Variants in CFAP74 observed in about 807,000 individuals in gnomAD.
The protein encoded by CFAP74 is cilia- and flagella-associated protein 74.
A neutral mutation model predicts 188.9 loss-of-function variants in CFAP74; 124 were observed. The observed-to-expected ratio is 0.66, with a 90% CI of 0.57 to 0.76. CFAP74 has a LOEUF of 0.76. CFAP74 is among the 30% of genes least tolerant of loss of function. CFAP74 has a pLI of 0.00. For synonymous variants in CFAP74, 956 were observed against 916.7 expected, an observed-to-expected ratio of 1.04 and a Z score of -0.77; for missense variants, 2,198 against 2,165.2, an observed-to-expected ratio of 1.02 and a Z score of -0.30.
Position 2,001,470 on chromosome 1 carries a change from C to T in CFAP74, c.-20+2231G>A, listed in dbSNP as rs1193148177. 2.6e-5 allele frequency among the ~76,000 whole-genome samples: 4 copies of T among 152,016 alleles called. No homozygotes were observed. The South Asian group carries it at 8.3e-4, about 32-fold the overall frequency. The stretch of plus-strand genomic sequence containing the variant: ...TCAGCCTCCCGAGTAGCTGGGACTA[C>T]AGGCAACCGCCACCACACCTGGCTA... On this transcript the variant is annotated intron_variant, in intron 1 of 38. Transcript: ENST00000682832.
In CFAP74 at chr1:1,988,492, C is replaced by T. The variant is rs374341430; in HGVS notation, c.296+20G>A. 1.2e-5 allele frequency: 20 copies of T among 1,607,614 alleles called. No homozygotes were observed. The highest frequency in any genetic ancestry group is 9.9e-5 in the South Asian group (9 of 90,992). On this transcript the variant is annotated intron_variant, in intron 4 of 38. Transcript: ENST00000682832. ...GGGGCATCAAGAGGTGCAGGTGCAGCGGCCTCAGCCCCAGCTCACCTCATC... is the reference window on the plus strand; with the variant it reads ...GGGGCATCAAGAGGTGCAGGTGCAGTGGCCTCAGCCCCAGCTCACCTCATC...
chr1:1,991,774 T>A (rs551481629), intron 1 of CFAP74, among the ~76,000 whole-genome samples: 3 of 152,084 alleles, frequency 2.0e-5, no homozygotes, highest in East Asian at 1.9e-4. Context: ...GCGTGGTGGC[T>A]CACACCTGTA....
At position 1,991,045 on chromosome 1, in the gene CFAP74, C is replaced by A. The variant is rs1657537741; in HGVS notation, c.-19-70G>T. 7.5e-6 allele frequency: 8 copies of A among 1,067,990 alleles called. No individual in the cohort carries two copies. The Admixed American group carries it at 1.1e-4, about 14-fold the overall frequency. 66.2% of individuals were successfully genotyped at this position (1,067,990 alleles called of 1,614,324 possible). A position where few individuals can be genotyped will look rare whatever the true frequency, so the allele number is the denominator to read the frequency against. ...TTAAAAGACGGTGAATTAACCATTT[C>A]TCTTAAAGAAGGCATTAAGAAAACA... On this transcript the variant is annotated intron_variant, in intron 1 of 38. Coordinates refer to ENST00000682832, the MANE Select transcript of CFAP74 (RefSeq NM_001304360.2).
intron 10 of CFAP74, among the ~76,000 whole-genome samples, chr1:1,969,402 T>G (rs1294652279): frequency 1.8e-5 from 1 of 54,398 alleles, no homozygotes; most frequent in Non-Finnish European, 3.6e-5. Flanking sequence ...CTTGCCCAGC[T>G]TAGCCCTGCC....
chr1:1,926,113 A>C (rs1163309896), intron 32 of CFAP74, 115 bp downstream of exon 32: 14 of 1,428,582 alleles, frequency 9.8e-6, no homozygotes, highest in Non-Finnish European at 1.3e-5. Context: ...CTGCTCGCAG[A>C]CCCAGGCTTA....
At chr1:1,982,154 GACACACA>G (rs1656930853) in intron 6 of CFAP74, among the ~76,000 whole-genome samples, 2 of 150,648 alleles carry the variant, frequency 1.3e-5, no homozygotes, top group African/African-American at 4.9e-5. Context: ...CAGACACGGG[GACACACA>G]GGACACCCAG....
intron 32 of CFAP74, 63 bp downstream of exon 32, chr1:1,926,165 C>G: frequency 6.9e-7 from 1 of 1,459,520 alleles, no homozygotes; most frequent in East Asian, 2.5e-5. Flanking sequence ...CCGGCCAGTG[C>G]CTTTGTTCTG....
At position 1,923,608 on chromosome 1, in the gene CFAP74, C is replaced by T. The variant is rs1446492902; in HGVS notation, c.4390-109G>A. The T allele has an allele frequency of 2.6e-5, 40 of 1,528,980 alleles. No individual in the cohort carries two copies. Among genetic ancestry groups the T allele is most frequent in the Non-Finnish European group, 3.1e-5 (35 of 1,132,898 alleles). 94.7% of individuals were successfully genotyped at this position (1,528,980 alleles called of 1,614,324 possible). On this transcript the variant is annotated intron_variant, in intron 35 of 38. Coordinates refer to ENST00000682832, the MANE Select transcript of CFAP74 (RefSeq NM_001304360.2). The surrounding 1 kb of genome is among the most constrained non-coding windows in gnomAD (Gnocchi z 6.3). ...GGAAGCAGGGACGGCCTGGGGGCCC[C>T]GTGGGGCCCTGGACTCTGGTCTTTC...
intron 18 of CFAP74, chr1:1,955,317 G>GCTGGTGTGCGT: frequency 2.3e-6 from 3 of 1,304,654 alleles, no homozygotes; most frequent in Non-Finnish European, 3.0e-6. Flanking sequence ...ACCTCTCCCC[G>GCTGGTGTGCGT]CTGGTGCGCG....
rs201527328 is a variant in CFAP74 at position 1,968,703 on chromosome 1, C to T, written c.1177G>A (p.Asp393Asn). The change falls in exon 11 of 39, where the codon GAC becomes AAC. Residue 393 changes from aspartate to asparagine, a missense_variant. Transcript: ENST00000682832. This position sits in a 1 kb window ranked among gnomAD's most constrained non-coding sequence, Gnocchi z 4.3. ...TSARHRLTLR[D>N]KTWNYISDFC... ...TCAGAAATGTAGTTCCAGGTCTTGT[C>T]CCTCAGGGTCAGCCGGTGCCTGGCA... 4.3e-6 allele frequency: 7 copies of T among 1,614,004 alleles called. No homozygotes were observed. The highest frequency in any genetic ancestry group is 4.5e-5 in the East Asian group (2 of 44,890).
chr1:2,002,696 T>C (rs1322157896), intron 1 of CFAP74, among the ~76,000 whole-genome samples: 1 of 150,302 alleles, frequency 6.7e-6, no homozygotes, highest in Non-Finnish European at 1.5e-5. Context: ...AAAGAATATA[T>C]GTAGTATTAT....
At chr1:1,989,124 C>CT in intron 2 of CFAP74, 151 bp from the exon 3 acceptor site, 1 of 455,520 alleles carries the variant, frequency 2.2e-6, no homozygotes, top group Non-Finnish European at 4.0e-6. Flanking sequence ...GGTAAACAGC[C>CT]TGGGTGACTC....
intron 1 of CFAP74, among the ~76,000 whole-genome samples, chr1:2,003,152 C>T (rs2102126268): frequency 6.6e-6 from 1 of 152,238 alleles, no homozygotes; most frequent in South Asian, 2.1e-4. Flanking sequence ...ATCTCTAAGT[C>T]GCACATGCGC....
chr1:1,982,888 G>A (rs1483854719), intron 6 of CFAP74, among the ~76,000 whole-genome samples: 1 of 152,244 alleles, frequency 6.6e-6, no homozygotes, highest in African/African-American at 2.4e-5. Context: ...GGCAGGCAGA[G>A]CTGCGTGCGT....
At chr1:1,955,475 C>T (rs751320961) in intron 18 of CFAP74, 9 of 1,577,602 alleles carry the variant, frequency 5.7e-6, no homozygotes, top group Non-Finnish European at 6.9e-6. Context: ...TTCAAGTCTT[C>T]GGTTAGCGTC....
Position 1,986,960 on chromosome 1 carries a change from G to T in CFAP74, c.372C>A (p.Ala124=). Residue 124 remains alanine (A), a synonymous_variant, in exon 5 of 39, where the codon GCC becomes GCA. Transcript: ENST00000682832. ...KQQEAVAAEI[A]TEEEAGNMAA... is the part of the protein sequence containing the mutation. ...ACATGTTGCCCGCCTCTTCCTCTGT[G>T]GCGATCTCGGCTGCCACAGCCTCCT... 1 of 1,601,810 alleles carries T rather than the reference G, an allele frequency of 6.2e-7. No individual in the cohort carries two copies. The highest frequency in any genetic ancestry group is 2.2e-5 in the East Asian group (1 of 44,842).
intron 23 of CFAP74, 122 bp from the exon 24 acceptor site, chr1:1,939,889 G>A (rs1327830441): frequency 7.3e-6 from 7 of 954,466 alleles, no homozygotes; most frequent in African/African-American, 3.3e-5. Flanking sequence ...TCCAGGACAC[G>A]ACGAGGCCGT....
At position 1,922,731 on chromosome 1, in the gene CFAP74, G is replaced by A; in HGVS notation, c.4684-8C>T. On this transcript the variant is annotated splice_region_variant and splice_polypyrimidine_tract_variant and intron_variant, in intron 37 of 38. Coordinates refer to ENST00000682832, the MANE Select transcript of CFAP74 (RefSeq NM_001304360.2). Reference sequence around the variant, plus strand: ...TATGCTGAACTCAACGGTCTGTGGGGTATGGGGCTCCTGTAGGCTGGCGAC... The same window carrying A: ...TATGCTGAACTCAACGGTCTGTGGGATATGGGGCTCCTGTAGGCTGGCGAC... 12 of 1,602,452 alleles carry A rather than the reference G, an allele frequency of 7.5e-6. No individual in the cohort carries two copies. Among genetic ancestry groups the A allele is most frequent in the Non-Finnish European group, 1.0e-5 (12 of 1,174,802 alleles).
At chr1:1,963,537 G>GTTC (rs1655246027) in intron 14 of CFAP74, among the ~76,000 whole-genome samples, 1 of 130,886 alleles carries the variant, frequency 7.6e-6, no homozygotes, top group Admixed American at 7.7e-5. Flanking sequence ...GCCAGGCAAA[G>GTTC]TTCCAGCCAT....
Sources: allele counts gnomAD v4.1 joint callset (sites outside exome capture counted in the v4.1 genomes callset), GRCh38; gene constraint gnomAD v4.1.1; non-coding constraint Gnocchi (gnomAD v3.1); transcripts MANE v1.5; gene names NCBI Gene and HGNC (gene_info 2026-07-23, HGNC 2026-07-21).